GRM7: variants seen among roughly 807,000 people sequenced by gnomAD.
The protein encoded by GRM7 is glutamate metabotropic receptor 7.
In GRM7, 35 loss-of-function variants were observed where a neutral mutation model predicts 84.5. The ratio of observed to expected loss-of-function variants is 0.41; its 90% CI spans 0.32 to 0.55. GRM7 has a LOEUF of 0.55. Ranked by LOEUF, GRM7 falls within the 20% of genes least tolerant of loss-of-function variation. The pLI, the probability that GRM7 is intolerant of heterozygous loss-of-function variation, is 0.19. For synonymous variants in GRM7, 487 were observed against 455.1 expected, an observed-to-expected ratio of 1.07 and a Z score of -0.89; for missense variants, 1,003 against 1,194.6, an observed-to-expected ratio of 0.84 and a Z score of 2.36.
chr3:6,966,518 A>T (rs1190632662), intron 1 of GRM7, among the ~76,000 whole-genome samples: 3 of 152,202 alleles, frequency 2.0e-5, no homozygotes, highest in African/African-American at 2.4e-5. Context: ...CAAAAGGTGA[A>T]CTTCCCTAAG....
At chr3:6,923,149 G>A (rs1697181174) in intron 1 of GRM7, among the ~76,000 whole-genome samples, 2 of 151,902 alleles carry the variant, frequency 1.3e-5, no homozygotes, top group South Asian at 4.2e-4. Context: ...CGAGTAGCTG[G>A]GACTACTGGT....
At chr3:7,312,766 G>GA (rs560013637) in intron 4 of GRM7, among the ~76,000 whole-genome samples, 40 of 146,464 alleles carry the variant, frequency 2.7e-4, no homozygotes, top group South Asian at 6.5e-4. Context: ...CCCTCCCTTA[G>GA]AAAAAAAAAA....
chr3:7,319,217 T>G lies in GRM7; in HGVS notation c.1033+12565T>G, dbSNP rs987484791. ...AGAGATAAGCTTAGGGGGTTGTGTG[T>G]ACACCAGTAGATAGAGGGTGCATTA... On this transcript the variant is annotated intron_variant, in intron 4 of 9. Transcript: ENST00000357716. 3.3e-5 allele frequency among the ~76,000 whole-genome samples: 5 copies of G among 151,998 alleles called. No homozygotes were observed. In the East Asian group the frequency reaches 9.6e-4, roughly 29 times the overall value.
chr3:7,235,488 G>A (rs62234913), intron 2 of GRM7, among the ~76,000 whole-genome samples: 8,045 of 152,216 alleles, frequency 0.053, 288 homozygotes, highest in Middle Eastern at 0.12. Context: ...TTATGCCCAC[G>A]TATTGATTGG....
At chr3:7,265,371 T>A (rs1698598681) in intron 2 of GRM7, among the ~76,000 whole-genome samples, 1 of 152,242 alleles carries the variant, frequency 6.6e-6, no homozygotes, top group Non-Finnish European at 1.5e-5. Flanking sequence ...TTATTCATTA[T>A]AATTCATAAT....
intron 7 of GRM7, among the ~76,000 whole-genome samples, chr3:7,503,867 C>T (rs1575425813): frequency 6.6e-6 from 1 of 152,070 alleles, no homozygotes; most frequent in Admixed American, 6.6e-5. Context: ...GCTAAGGCAA[C>T]TTATAGGTCA....
intron 7 of GRM7, among the ~76,000 whole-genome samples, chr3:7,558,238 C>G (rs918845236): frequency 1.3e-5 from 2 of 151,964 alleles, no homozygotes; most frequent in African/African-American, 4.8e-5. Flanking sequence ...GGGAATAATT[C>G]TTACCTTATG....
intron 7 of GRM7, among the ~76,000 whole-genome samples, chr3:7,522,250 C>A (rs1244669693): frequency 6.6e-6 from 1 of 152,106 alleles, no homozygotes; most frequent in Non-Finnish European, 1.5e-5. Flanking sequence ...CATTCTATAA[C>A]ATCTTTTTTC....
At chr3:7,583,752 G>C (rs146331584) in intron 8 of GRM7, among the ~76,000 whole-genome samples, 5 of 152,112 alleles carry the variant, frequency 3.3e-5, no homozygotes. Context: ...GAGCAGCCCT[G>C]GTTCTCTTAG....
chr3:7,012,758 C>A (rs2124897449), intron 1 of GRM7, among the ~76,000 whole-genome samples: 1 of 152,268 alleles, frequency 6.6e-6, no homozygotes, highest in African/African-American at 2.4e-5. Context: ...TGTTTGTTTA[C>A]TGAGACAGGT....
chr3:7,267,694 G>T (rs1199149688), intron 2 of GRM7, among the ~76,000 whole-genome samples: 3 of 152,164 alleles, frequency 2.0e-5, no homozygotes, highest in African/African-American at 7.2e-5. Flanking sequence ...TAAAATTGGG[G>T]ATTTTATATA....
At chr3:7,199,038 G>A (rs1260724927) in intron 2 of GRM7, among the ~76,000 whole-genome samples, 1 of 152,158 alleles carries the variant, frequency 6.6e-6, no homozygotes, top group Non-Finnish European at 1.5e-5. Context: ...GTTGTAAGTA[G>A]TCTTCAAAAG....
chr3:7,181,908 G>A (rs1435592917), intron 2 of GRM7, among the ~76,000 whole-genome samples: 1 of 152,088 alleles, frequency 6.6e-6, no homozygotes, highest in African/African-American at 2.4e-5. Flanking sequence ...ACCTCTCTCA[G>A]CTAAAATAAG....
At chr3:7,146,920 C>T (rs1324427275) in intron 2 of GRM7, among the ~76,000 whole-genome samples, 1 of 152,088 alleles carries the variant, frequency 6.6e-6, no homozygotes, top group African/African-American at 2.4e-5. Context: ...TAATATCTTA[C>T]TTCTGCCTAA....
At chr3:6,975,239 G>T (rs1481320368) in intron 1 of GRM7, among the ~76,000 whole-genome samples, 1 of 152,088 alleles carries the variant, frequency 6.6e-6, no homozygotes, top group East Asian at 1.9e-4. Context: ...GAGGAACTTG[G>T]GGTTAAAGAA....
At chr3:7,543,815 T>C (rs1329087409) in intron 7 of GRM7, among the ~76,000 whole-genome samples, 1 of 152,130 alleles carries the variant, frequency 6.6e-6, no homozygotes, top group Non-Finnish European at 1.5e-5. Flanking sequence ...AAAGTACAAG[T>C]CTGGGGATGG....
rs141102498 is a variant in GRM7, at chr3:7,609,018, T to C, written c.2451+29661T>C. Among the ~76,000 whole-genome samples the C allele has an allele frequency of 2.6e-5, 4 of 152,342 alleles. No individual in the cohort carries two copies. In the East Asian group the frequency reaches 7.7e-4, roughly 29 times the overall value. On this transcript the variant is annotated intron_variant, in intron 8 of 9. Transcript: ENST00000357716. ...TTTGTCAGCTTTGTCAAAGATTAGA[T>C]GGTCATACATGTGCAGCCTTATTTC...
chr3:7,353,663 A>G lies in GRM7; in HGVS notation c.1033+47011A>G, dbSNP rs576345738. On this transcript the variant is annotated intron_variant, in intron 4 of 9. Transcript: ENST00000357716. ...AATCCACTGAGAAATAGATTTGAAT[A>G]GAGAGCACAAACATTCTCGAAGAGC... Among the ~76,000 whole-genome samples the G allele has an allele frequency of 2.6e-5, 4 of 152,284 alleles. No homozygotes were observed. In the East Asian group the frequency reaches 5.8e-4, roughly 22 times the overall value.
At chr3:7,372,715 A>G (rs574983544) in intron 4 of GRM7, among the ~76,000 whole-genome samples, 26 of 152,328 alleles carry the variant, frequency 1.7e-4, no homozygotes, top group African/African-American at 4.3e-4. Context: ...GTCAAGGACA[A>G]TGAACAATTC....
Sources: gnomAD v4.1 joint callset for allele counts (sites outside exome capture counted in the v4.1 genomes callset) on GRCh38, gnomAD v4.1.1 for gene constraint, MANE v1.5 for transcripts, NCBI Gene and HGNC (gene_info 2026-07-23, HGNC 2026-07-21) for gene names.